The following NCAM1 variants were observed in gnomAD, a reference collection of about 807,000 sequenced individuals.
NCAM1 encodes the protein neural cell adhesion molecule 1.
A neutral mutation model predicts 109.8 loss-of-function variants in NCAM1; 14 were observed. That is an observed-to-expected ratio of 0.13 (90% CI 0.08 to 0.20). The LOEUF is 0.20. Among genes scored for constraint, NCAM1 ranks in the 10% least tolerant of loss-of-function variants. The pLI, the probability that NCAM1 is intolerant of heterozygous loss-of-function variation, is 1.00. For missense variants in NCAM1, 774 were observed against 1,109.9 expected, an observed-to-expected ratio of 0.70 and a Z score of 4.30; for synonymous variants, 418 against 442.9, an observed-to-expected ratio of 0.94 and a Z score of 0.70.
intron 1 of NCAM1, among the ~76,000 whole-genome samples, chr11:112,996,201 T>A (rs1385523901): frequency 1.3e-5 from 2 of 152,234 alleles, no homozygotes; most frequent in Admixed American, 1.3e-4. Flanking sequence ...TAATATGATG[T>A]CTAACTTTTC....
chr11:113,148,201 G>A (rs1555101684), intron 1 of NCAM1, among the ~76,000 whole-genome samples: 1 of 152,110 alleles, frequency 6.6e-6, no homozygotes, highest in Admixed American at 6.5e-5. Context: ...GTTCGGACGT[G>A]CAGGTGTGGC....
chr11:113,111,214 T>C (rs1940429780), intron 1 of NCAM1, among the ~76,000 whole-genome samples: 1 of 152,188 alleles, frequency 6.6e-6, no homozygotes, highest in African/African-American at 2.4e-5. Flanking sequence ...AAGCATTTGT[T>C]TTCATCTGTG....
intron 1 of NCAM1, among the ~76,000 whole-genome samples, chr11:113,187,183 T>C (rs1943532209): frequency 6.6e-6 from 1 of 152,200 alleles, no homozygotes; most frequent in Non-Finnish European, 1.5e-5. Context: ...GCAGCAGATT[T>C]TTGCTCTGTG....
chr11:112,999,084 A>G (rs1470253930), intron 1 of NCAM1, among the ~76,000 whole-genome samples: 1 of 152,162 alleles, frequency 6.6e-6, no homozygotes, highest in Non-Finnish European at 1.5e-5. Context: ...TTTACAGTAA[A>G]CCATCATTTG....
intron 7 of NCAM1, 33 bp downstream of exon 7, chr11:113,208,035 G>T: frequency 3.2e-6 from 5 of 1,579,342 alleles, no homozygotes; most frequent in Middle Eastern, 1.7e-4. Context: ...TCACTGCTCT[G>T]CCACAATTCC....
intron 1 of NCAM1, among the ~76,000 whole-genome samples, chr11:112,992,709 G>A (rs1951497391): frequency 6.6e-6 from 1 of 151,860 alleles, no homozygotes; most frequent in African/African-American, 2.4e-5. Context: ...GGGTTTCACT[G>A]CATTAGCTGG....
intron 1 of NCAM1, among the ~76,000 whole-genome samples, chr11:112,976,825 A>C (rs1380337727): frequency 1.3e-5 from 2 of 151,896 alleles, no homozygotes; most frequent in Non-Finnish European, 1.5e-5. Context: ...TTTATCTTAA[A>C]ACTATATCTG....
intron 17 of NCAM1, among the ~76,000 whole-genome samples, chr11:113,265,421 G>C (rs1280895802): frequency 6.6e-6 from 1 of 152,168 alleles, no homozygotes; most frequent in African/African-American, 2.4e-5. Context: ...GGCAGTGGGA[G>C]GGGAAAATGC....
intron 1 of NCAM1, among the ~76,000 whole-genome samples, chr11:113,072,832 T>TTC (rs1555085526): frequency 3.3e-5 from 5 of 151,764 alleles, no homozygotes; most frequent in African/African-American, 1.2e-4. Flanking sequence ...TATTTTTTTT[T>TTC]TCATTTTTTT....
intron 3 of NCAM1, among the ~76,000 whole-genome samples, chr11:113,205,114 C>G (rs1203392270): frequency 6.6e-6 from 1 of 152,112 alleles, no homozygotes; most frequent in Non-Finnish European, 1.5e-5. Flanking sequence ...TGGGGTGGGA[C>G]TGGGAGTAGC....
At chr11:113,180,321 G>A (rs1043692058) in intron 1 of NCAM1, among the ~76,000 whole-genome samples, 3 of 152,206 alleles carry the variant, frequency 2.0e-5, no homozygotes, top group Non-Finnish European at 4.4e-5. Flanking sequence ...TGAGTTTAGC[G>A]CTACAGGGGT....
intron 1 of NCAM1, among the ~76,000 whole-genome samples, chr11:113,081,201 G>C (rs1420977489): frequency 6.6e-6 from 1 of 152,186 alleles, no homozygotes; most frequent in Non-Finnish European, 1.5e-5. Context: ...CTGCCTACCC[G>C]CTGCGCTTAC....
intron 1 of NCAM1, among the ~76,000 whole-genome samples, chr11:113,030,733 A>G (rs1443342411): frequency 1.3e-5 from 2 of 152,182 alleles, no homozygotes; most frequent in African/African-American, 2.4e-5. Context: ...TTCTTGCAAT[A>G]TATTTTGTAC....
At chr11:112,997,134 T>G (rs891367632) in intron 1 of NCAM1, among the ~76,000 whole-genome samples, 16 of 149,932 alleles carry the variant, frequency 1.1e-4, no homozygotes, top group East Asian at 2.0e-4. Context: ...TTTCCTGGGC[T>G]TCCTCCTGTT....
At chr11:113,243,081 A>T (rs2137400045) in intron 14 of NCAM1, 24 of 710,634 alleles carry the variant, frequency 3.4e-5, no homozygotes, top group East Asian at 1.3e-4. Flanking sequence ...TCCGTGCATG[A>T]GGAGGCTTTT....
intron 1 of NCAM1, among the ~76,000 whole-genome samples, chr11:113,085,069 C>G (rs1484045618): frequency 1.3e-5 from 2 of 152,310 alleles, no homozygotes; most frequent in African/African-American, 4.8e-5. Flanking sequence ...TCCTGTTAAA[C>G]CCTGGACAAG....
chr11:113,261,737 G>A (rs1384547661), intron 17 of NCAM1, among the ~76,000 whole-genome samples: 1 of 152,156 alleles, frequency 6.6e-6, no homozygotes, highest in Non-Finnish European at 1.5e-5. Context: ...ACACTTAGGA[G>A]GTGAGATCAG....
chr11:113,038,928 T>C (rs1952982148), intron 1 of NCAM1, among the ~76,000 whole-genome samples: 1 of 152,114 alleles, frequency 6.6e-6, no homozygotes, highest in African/African-American at 2.4e-5. Flanking sequence ...GTATTATAGT[T>C]CACAAATACT....
At chr11:113,217,491 A>C (rs1555114553) in intron 8 of NCAM1, among the ~76,000 whole-genome samples, 3 of 152,004 alleles carry the variant, frequency 2.0e-5, no homozygotes, top group Non-Finnish European at 4.4e-5. Flanking sequence ...GTTTCAGTTC[A>C]CTAGTGCTCC....
Sources: gnomAD v4.1 joint callset for allele counts (sites outside exome capture counted in the v4.1 genomes callset) on GRCh38, gnomAD v4.1.1 for gene constraint, MANE v1.5 for transcripts, NCBI Gene and HGNC (gene_info 2026-07-23, HGNC 2026-07-21) for gene names.